Variants in DNAJB12 observed in about 807,000 individuals in gnomAD.
The protein encoded by DNAJB12 is DnaJ heat shock protein family (Hsp40) member B12, also known as dnaJ homolog subfamily B member 12.
In DNAJB12, 14 loss-of-function variants were observed where a neutral mutation model predicts 40.6. The observed-to-expected ratio is 0.34, with a 90% CI of 0.23 to 0.54. The LOEUF is 0.54. DNAJB12 is among the 20% of genes least tolerant of loss of function. DNAJB12 has a pLI of 0.92. For missense variants in DNAJB12, 444 were observed against 501.7 expected (o/e 0.89, Z 1.10); for synonymous variants, 181 against 199.5 (o/e 0.91, Z 0.78).
Position 72,334,142 on chromosome 10 carries a change from C to A in DNAJB12, c.*506G>T. Reference sequence around the variant, plus strand: ...TATATATATATATCTTCATATATGCCTATTTACATATAAATAGATATATAT... The same window carrying A: ...TATATATATATATCTTCATATATGCATATTTACATATAAATAGATATATAT... On this transcript the variant is annotated 3_prime_UTR_variant, in exon 9 of 9. Coordinates refer to ENST00000444643, the MANE Select transcript of DNAJB12 (RefSeq NM_017626.7). The A allele has an allele frequency of 5.9e-6, 1 of 169,434 alleles. No individual in the cohort carries two copies. The highest frequency in any genetic ancestry group is 1.3e-5 in the Non-Finnish European group (1 of 78,244). 10.5% of individuals were successfully genotyped at this position (169,434 alleles called of 1,614,324 possible).
At chr10:72,350,885 A>G (rs765871679) in intron 1 of DNAJB12, among the ~76,000 whole-genome samples, 1 of 152,188 alleles carries the variant, frequency 6.6e-6, no homozygotes, top group Non-Finnish European at 1.5e-5. Context: ...CTTGAAGGGT[A>G]CAACCCCACC....
chr10:72,354,782 G>A lies in DNAJB12; in HGVS notation c.116C>T (p.Pro39Leu). The A allele has an allele frequency of 6.2e-7, 1 of 1,612,950 alleles. No individual in the cohort carries two copies. The highest frequency in any genetic ancestry group is 1.3e-5 in the African/African-American group (1 of 75,036). The change falls in exon 1 of 9, where the codon CCG (proline) becomes CTG (leucine). Residue 39 changes from proline to leucine, a missense_variant. Pro to Leu is a moderately conservative substitution (Grantham distance 98). Coordinates refer to ENST00000444643, the MANE Select transcript of DNAJB12 (RefSeq NM_017626.7). ...RFLEKAQRLYPTPRVRALIES... is the reference protein window; with the variant it reads ...RFLEKAQRLYLTPRVRALIES... ...ACACTCACCGCGAACTCGCGGCGTC[G>A]GATACAGCCGCTGTGCCTTCTCCAG...
intron 5 of DNAJB12, 121 bp from the exon 6 acceptor site, chr10:72,338,432 C>A: frequency 2.8e-6 from 2 of 721,556 alleles, no homozygotes; most frequent in South Asian, 1.8e-5. Context: ...TCTGCCGTTC[C>A]CTCCACGAGG....
chr10:72,341,866 T>C (rs1038133048), intron 3 of DNAJB12, among the ~76,000 whole-genome samples: 6 of 152,246 alleles, frequency 3.9e-5, no homozygotes, highest in Non-Finnish European at 1.5e-5. Flanking sequence ...ACAGCTTTAA[T>C]ATGTTACAGA....
At chr10:72,352,194 TC>T (rs1861951546) in intron 1 of DNAJB12, among the ~76,000 whole-genome samples, 1 of 152,192 alleles carries the variant, frequency 6.6e-6, no homozygotes, top group Non-Finnish European at 1.5e-5. Context: ...CTCAATGGTT[TC>T]CTCACTAACT....
At chr10:72,344,007 A>G (rs1861714281) in intron 2 of DNAJB12, among the ~76,000 whole-genome samples, 1 of 151,944 alleles carries the variant, frequency 6.6e-6, no homozygotes, top group Non-Finnish European at 1.5e-5. Flanking sequence ...CTCCTGTCTC[A>G]GCCCCCCAAA....
rs775561097 is a variant in DNAJB12 at position 72,335,779 on chromosome 10, C to T, written c.*30+1G>A. 2.5e-6 allele frequency: 4 copies of T among 1,612,766 alleles called. No homozygotes were observed. The highest frequency in any genetic ancestry group is 1.7e-4 in the Middle Eastern group (1 of 6,012). On this transcript the variant is annotated splice_donor_variant, in intron 8 of 8. Coordinates refer to ENST00000444643, the MANE Select transcript of DNAJB12 (RefSeq NM_017626.7). LOFTEE classifies it low-confidence loss of function (3UTR_SPLICE). The surrounding 1 kb of genome is among the most constrained non-coding windows in gnomAD (Gnocchi z 4.4). ...AGGGTGGAGGCAGCCCTGGCTCATA[C>T]TTGGACCTCGGTGGTGTGGCTGGCC...
chr10:72,337,023 C>T (rs1032049618), intron 6 of DNAJB12, among the ~76,000 whole-genome samples: 7 of 152,212 alleles, frequency 4.6e-5, no homozygotes, highest in African/African-American at 1.7e-4. Flanking sequence ...CCTCCATCTC[C>T]CCATTCATCC....
At position 72,334,507 on chromosome 10, in the gene DNAJB12, C is replaced by T. The variant is rs1861411743; in HGVS notation, c.*141G>A. On this transcript the variant is annotated 3_prime_UTR_variant, in exon 9 of 9. Coordinates refer to ENST00000444643, the MANE Select transcript of DNAJB12 (RefSeq NM_017626.7). ...AGAGAGAGGGCAGCTGTGCAGCGTT[C>T]GGCCTCCAATTCCATTTTAATTTTG... 1.6e-5 allele frequency: 24 copies of T among 1,470,376 alleles called. No individual in the cohort carries two copies. The highest frequency in any genetic ancestry group is 2.5e-5 in the East Asian group (1 of 40,596). 91.1% of individuals were successfully genotyped at this position (1,470,376 alleles called of 1,614,324 possible).
intron 3 of DNAJB12, among the ~76,000 whole-genome samples, chr10:72,341,956 C>G (rs1321502082): frequency 6.6e-6 from 1 of 152,238 alleles, no homozygotes; most frequent in Non-Finnish European, 1.5e-5. Context: ...AAACCTCTTT[C>G]CTCATTCTCT....
rs770647824 is a variant in DNAJB12 at position 72,343,555 on chromosome 10, CTG to C, written c.312-46_312-45del. ...ATGGTACGGGGTGCTCTACATGGGT[CTG>C]TGTGAGGGGGGCGATGAACAGGCCG... On this transcript the variant is annotated intron_variant, in intron 2 of 8. Coordinates refer to ENST00000444643, the MANE Select transcript of DNAJB12 (RefSeq NM_017626.7). The C allele has an allele frequency of 2.5e-6, 4 of 1,608,142 alleles. No homozygotes were observed. The African/African-American group carries it at 4.0e-5, about 16-fold the overall frequency.
At chr10:72,344,909 C>T (rs762942119) in intron 2 of DNAJB12, 41 bp downstream of exon 2, 2 of 1,610,738 alleles carry the variant, frequency 1.2e-6, no homozygotes, top group Non-Finnish European at 8.5e-7. Context: ...CTCTAGATTT[C>T]CCCAGTCTCC....
In DNAJB12 at chr10:72,336,515, C is replaced by G. The variant is rs895044250; in HGVS notation, c.1006+9G>C. 18 of 1,612,686 alleles carry G rather than the reference C, an allele frequency of 1.1e-5. No homozygotes were observed. The highest frequency in any genetic ancestry group is 1.1e-5 in the Non-Finnish European group (13 of 1,179,354). On this transcript the variant is annotated intron_variant, in intron 7 of 8. Coordinates refer to ENST00000444643, the MANE Select transcript of DNAJB12 (RefSeq NM_017626.7). The stretch of plus-strand genomic sequence containing the variant: ...CCAAATACAGCCCCCGCCTTCCCCC[C>G]ACACTCACTCTGCTGCTTCTCCTTC...
At chr10:72,351,599 C>T (rs72808146) in intron 1 of DNAJB12, among the ~76,000 whole-genome samples, 11,410 of 152,304 alleles carry the variant, frequency 0.075, 884 homozygotes, top group African/African-American at 0.2. Flanking sequence ...GCTACCTGGC[C>T]GCTGCCCTCT....
At chr10:72,339,254 A>AG (rs1554853333) in intron 5 of DNAJB12, among the ~76,000 whole-genome samples, 1 of 144,104 alleles carries the variant, frequency 6.9e-6, no homozygotes, top group Admixed American at 6.9e-5. Context: ...AAAAAAAAAA[A>AG]GGCCGGCATG....
intron 1 of DNAJB12, among the ~76,000 whole-genome samples, chr10:72,345,734 A>G (rs997243736): frequency 6.6e-6 from 1 of 151,600 alleles, no homozygotes; most frequent in Non-Finnish European, 1.5e-5. Context: ...AAAAAACCCC[A>G]AAAGACATTT....
intron 1 of DNAJB12, among the ~76,000 whole-genome samples, chr10:72,350,976 G>A (rs371699139): frequency 6.6e-6 from 1 of 152,242 alleles, no homozygotes; most frequent in South Asian, 2.1e-4. Flanking sequence ...TCCTTTTCCT[G>A]TGGGCTGGCC....
intron 7 of DNAJB12, among the ~76,000 whole-genome samples, chr10:72,336,223 G>A (rs1302708285): frequency 6.6e-6 from 1 of 152,216 alleles, no homozygotes; most frequent in Non-Finnish European, 1.5e-5. Context: ...CAGTCAGGGG[G>A]TGGCCAGGGA....
At position 72,350,337 on chromosome 10, in the gene DNAJB12, T is replaced by G. The variant is rs111538259; in HGVS notation, c.133+4428A>C. On this transcript the variant is annotated intron_variant, in intron 1 of 8. Transcript: ENST00000444643. ...TCACTTGGGCCTGGGTGGTTGAGGC[T>G]GCAGTGAGCTGTGATTGTGCCACTG... is the stretch of plus-strand genomic sequence containing the variant. 7.9e-3 allele frequency among the ~76,000 whole-genome samples: 1,097 copies of G among 138,300 alleles called. 15 individuals are homozygous for G. The highest frequency in any genetic ancestry group is 0.029 in the African/African-American group (1,036 of 36,228). 90.7% of individuals were successfully genotyped at this position (138,300 alleles called of 152,430 possible).
Sources: allele counts gnomAD v4.1 joint callset (sites outside exome capture counted in the v4.1 genomes callset), GRCh38; gene constraint gnomAD v4.1.1; non-coding constraint Gnocchi (gnomAD v3.1); transcripts MANE v1.5; gene names NCBI Gene and HGNC (gene_info 2026-07-23, HGNC 2026-07-21).